The following PCBD2 variants were observed in gnomAD, a reference collection of about 807,000 sequenced individuals.
PCBD2 encodes the protein pterin-4-alpha-carbinolamine dehydratase 2.
PCBD2 carries 12 observed loss-of-function variants against 16.4 expected under a neutral mutation model. That is an observed-to-expected ratio of 0.73 (90% CI 0.47 to 1.19). The LOEUF is 1.19. PCBD2 is among the 50% of genes most tolerant of loss of function. The pLI is 0.00. For synonymous variants in PCBD2, 58 were observed against 61.8 expected, an observed-to-expected ratio of 0.94 and a Z score of 0.29; for missense variants, 138 against 156.8, an observed-to-expected ratio of 0.88 and a Z score of 0.64.
chr5:134,941,703 A>G (rs772896776), intron 2 of PCBD2, among the ~76,000 whole-genome samples: 17 of 152,244 alleles, frequency 1.1e-4, no homozygotes, highest in Non-Finnish European at 2.2e-4. Context: ...GATTCAGGAT[A>G]CACAATTAAA....
At chr5:134,914,514 G>A (rs933828632) in intron 2 of PCBD2, among the ~76,000 whole-genome samples, 1 of 152,004 alleles carries the variant, frequency 6.6e-6, no homozygotes, top group African/African-American at 2.4e-5. Context: ...GGCTTAACAA[G>A]GACTGAACTT....
At chr5:134,926,182 G>T (rs1011055871) in intron 2 of PCBD2, 1 of 318,760 alleles carries the variant, frequency 3.1e-6, no homozygotes, top group Non-Finnish European at 5.7e-6. Context: ...AACGAACAGT[G>T]CTACAGGGAT....
chr5:134,920,844 A>G (rs1750895237), intron 2 of PCBD2, among the ~76,000 whole-genome samples: 1 of 152,192 alleles, frequency 6.6e-6, no homozygotes, highest in African/African-American at 2.4e-5. Flanking sequence ...TTTAGTAGAG[A>G]TGGTGTTTCA....
chr5:134,930,992 A>G (rs1341233731), intron 2 of PCBD2, among the ~76,000 whole-genome samples: 1 of 152,052 alleles, frequency 6.6e-6, no homozygotes, highest in Non-Finnish European at 1.5e-5. Flanking sequence ...ATCGTGGCTC[A>G]CTGCAACCTT....
At chr5:134,924,757 T>C (rs1178893527) in intron 2 of PCBD2, 3 of 394,602 alleles carry the variant, frequency 7.6e-6, no homozygotes, top group African/African-American at 6.2e-5. Flanking sequence ...GATTTGGTGT[T>C]GTGAGATTGT....
At position 134,917,433 on chromosome 5, in the gene PCBD2, A is replaced by C. The variant is rs150046358; in HGVS notation, c.216+6967A>C. Among the ~76,000 whole-genome samples the C allele has an allele frequency of 2.7e-3, 408 of 152,316 alleles. 2 individuals carry two copies. Among genetic ancestry groups the C allele is most frequent in the African/African-American group, 9.3e-3 (387 of 41,576 alleles). ...CAGTGGCTGGGCGCTTGGGTGAATG[A>C]TAAATTTTGTGTGTAGGACATGAGG... On this transcript the variant is annotated intron_variant, in intron 2 of 3. Transcript: ENST00000254908.
chr5:134,915,947 C>T (rs1226514182), intron 2 of PCBD2, among the ~76,000 whole-genome samples: 1 of 152,138 alleles, frequency 6.6e-6, no homozygotes, highest in African/African-American at 2.4e-5. Flanking sequence ...ACTAAAGACA[C>T]CCTCTCCCTG....
chr5:134,922,124 C>T (rs1750910310), intron 2 of PCBD2, among the ~76,000 whole-genome samples: 1 of 152,222 alleles, frequency 6.6e-6, no homozygotes, highest in Non-Finnish European at 1.5e-5. Flanking sequence ...GGGTGAGTAC[C>T]TTGACCAAGG....
intron 2 of PCBD2, among the ~76,000 whole-genome samples, chr5:134,915,107 G>C (rs1750812741): frequency 6.6e-6 from 1 of 152,034 alleles, no homozygotes; most frequent in South Asian, 2.1e-4. Flanking sequence ...ACGAAGTCAG[G>C]AGTTCGAGAC....
At chr5:134,929,661 T>A (rs554906184) in intron 2 of PCBD2, among the ~76,000 whole-genome samples, 1 of 152,288 alleles carries the variant, frequency 6.6e-6, no homozygotes, top group Admixed American at 6.5e-5. Context: ...TTATACTTGT[T>A]TGTGGTGTTC....
intron 2 of PCBD2, chr5:134,927,753 TAG>T (rs979334428): frequency 2.5e-6 from 1 of 397,234 alleles, no homozygotes; most frequent in African/African-American, 2.1e-5. Flanking sequence ...TATAGAGAGG[TAG>T]AGTTTTTTTC....
intron 2 of PCBD2, chr5:134,927,156 A>G (rs1751016836): frequency 5.0e-6 from 2 of 398,492 alleles, no homozygotes; most frequent in African/African-American, 2.1e-5. Context: ...TACGAGGGCT[A>G]TGTGGCTGAT....
rs550566491 is a variant in PCBD2 at position 134,954,962 on chromosome 5, TA to T, written c.217-4076del. Among the ~76,000 whole-genome samples the T allele has an allele frequency of 8.5e-4, 129 of 151,840 alleles. 1 individual carries two copies. The highest frequency in any genetic ancestry group is 8.1e-3 in the Admixed American group (123 of 15,242). On this transcript the variant is annotated intron_variant, in intron 2 of 3. Transcript: ENST00000254908. The stretch of plus-strand genomic sequence containing the variant: ...TCTCCATGTTGGCCAGGCTGGTCTC[TA>T]ACTCCTGACCTCAAGTGATGCGCCT...
intron 2 of PCBD2, among the ~76,000 whole-genome samples, chr5:134,940,808 T>G (rs533190598): frequency 1.3e-5 from 2 of 152,224 alleles, no homozygotes; most frequent in Non-Finnish European, 2.9e-5. Flanking sequence ...CAGACACATG[T>G]GACAGGAAGA....
At chr5:134,950,827 T>C (rs1751351511) in intron 2 of PCBD2, among the ~76,000 whole-genome samples, 1 of 152,222 alleles carries the variant, frequency 6.6e-6, no homozygotes, top group South Asian at 2.1e-4. Context: ...TATACGTTAT[T>C]TGTTGGCCAT....
intron 2 of PCBD2, chr5:134,926,030 A>G (rs1750989396): frequency 2.7e-6 from 1 of 375,916 alleles, no homozygotes; most frequent in Non-Finnish European, 4.7e-6. Context: ...ACGCCTTCTC[A>G]GCCGATGAAT....
chr5:134,941,474 A>G (rs1333235520), intron 2 of PCBD2, among the ~76,000 whole-genome samples: 1 of 152,230 alleles, frequency 6.6e-6, no homozygotes, highest in Non-Finnish European at 1.5e-5. Flanking sequence ...TGAAACTGCA[A>G]TGTATGTTGA....
intron 2 of PCBD2, among the ~76,000 whole-genome samples, chr5:134,951,937 A>T (rs914777452): frequency 6.6e-5 from 10 of 151,724 alleles, no homozygotes; most frequent in East Asian, 3.9e-4. Flanking sequence ...TACAGAAAAA[A>T]TTTTTTTTGC....
chr5:134,927,205 G>A (rs764863095), intron 2 of PCBD2: 9 of 398,396 alleles, frequency 2.3e-5, no homozygotes, highest in Non-Finnish European at 3.1e-5. Flanking sequence ...TCTGTTTGTC[G>A]CAGGCAGATG....
Sources: allele counts gnomAD v4.1 joint callset (sites outside exome capture counted in the v4.1 genomes callset), GRCh38; gene constraint gnomAD v4.1.1; transcripts MANE v1.5; gene names NCBI Gene and HGNC (gene_info 2026-07-23, HGNC 2026-07-21).